Variants in MICU3 observed in about 807,000 individuals in gnomAD.
The protein encoded by MICU3 is mitochondrial calcium uptake 3.
In MICU3, 62 loss-of-function variants were observed where a neutral mutation model predicts 66.5. The ratio of observed to expected loss-of-function variants is 0.93; its 90% CI spans 0.76 to 1.15. The LOEUF is 1.15. MICU3 is among the 50% of genes most tolerant of loss of function. The pLI is 0.00. For synonymous variants in MICU3, 308 were observed against 240.7 expected (o/e 1.28, Z -2.59); for missense variants, 779 against 664.4 (o/e 1.17, Z -1.90).
chr8:17,042,100 A>C (rs1585194137), intron 1 of MICU3, among the ~76,000 whole-genome samples: 2 of 152,176 alleles, frequency 1.3e-5, no homozygotes, highest in Non-Finnish European at 2.9e-5. Flanking sequence ...CATGGTCACA[A>C]CTTTTACTAT....
intron 3 of MICU3, among the ~76,000 whole-genome samples, chr8:17,072,736 A>C (rs1738775102): frequency 1.3e-5 from 2 of 152,258 alleles, no homozygotes; most frequent in South Asian, 4.1e-4. Context: ...AAAGGAGGTG[A>C]ACCTTACTAG....
In MICU3 at chr8:17,029,218, G is replaced by A. The variant is rs370229069; in HGVS notation, c.381+1558G>A. Among the ~76,000 whole-genome samples, 12 of 152,354 alleles carry A rather than the reference G, an allele frequency of 7.9e-5. No individual in the cohort carries two copies. The East Asian group carries it at 2.1e-3, about 27-fold the overall frequency. ...TGGCTGAGCGTGGTGGCTCACGCCT[G>A]TAATCCCAGCACTTTGGGAGGTCGA... On this transcript the variant is annotated intron_variant, in intron 1 of 14. Transcript: ENST00000318063.
intron 1 of MICU3, among the ~76,000 whole-genome samples, chr8:17,031,686 T>A (rs1249430811): frequency 6.6e-6 from 1 of 152,188 alleles, no homozygotes; most frequent in Non-Finnish European, 1.5e-5. Context: ...CTTTTAAGTA[T>A]AATATGCTGC....
At chr8:17,096,350 G>A (rs191551629) in intron 8 of MICU3, among the ~76,000 whole-genome samples, 22 of 151,942 alleles carry the variant, frequency 1.4e-4, no homozygotes, top group Admixed American at 1.3e-3. Context: ...TTAAGCTTAT[G>A]TAAAATATCC....
chr8:17,044,397 T>C (rs1334623245), intron 1 of MICU3, among the ~76,000 whole-genome samples: 1 of 152,252 alleles, frequency 6.6e-6, no homozygotes, highest in Non-Finnish European at 1.5e-5. Flanking sequence ...CATTCTTAGA[T>C]GGTACTGTGT....
intron 1 of MICU3, among the ~76,000 whole-genome samples, chr8:17,029,309 C>G (rs1811597143): frequency 6.6e-6 from 1 of 152,150 alleles, no homozygotes; most frequent in South Asian, 2.1e-4. Context: ...AACCTCGTCT[C>G]TACTAAAAAT....
intron 3 of MICU3, among the ~76,000 whole-genome samples, chr8:17,074,449 A>G (rs1252724891): frequency 1.3e-5 from 2 of 152,134 alleles, no homozygotes; most frequent in Non-Finnish European, 2.9e-5. Context: ...ATTTGACAGG[A>G]AAATATGCTC....
At chr8:17,068,154 A>AG (rs767441339) in intron 2 of MICU3, among the ~76,000 whole-genome samples, 43 of 152,306 alleles carry the variant, frequency 2.8e-4, no homozygotes, top group Non-Finnish European at 3.5e-4. Flanking sequence ...CTAGAATTGA[A>AG]GTCCTTCTTC....
chr8:17,108,056 T>C (rs1801889670), intron 11 of MICU3, among the ~76,000 whole-genome samples: 1 of 152,104 alleles, frequency 6.6e-6, no homozygotes, highest in South Asian at 2.1e-4. Context: ...GAGCTGATAG[T>C]ACCTGTTCGT....
At chr8:17,129,506 A>G in the MICU3 span, among the ~76,000 whole-genome samples, 1 of 152,226 alleles carries the variant, frequency 6.6e-6, no homozygotes, top group African/African-American at 2.4e-5. Flanking sequence ...AATACTTGAA[A>G]TAAAAATTCA....
At chr8:17,072,643 C>CT (rs1231196826) in intron 3 of MICU3, among the ~76,000 whole-genome samples, 2 of 151,840 alleles carry the variant, frequency 1.3e-5, no homozygotes, top group African/African-American at 4.8e-5. Flanking sequence ...CGTAGAACCC[C>CT]TTTTTTTATC....
chr8:17,031,834 G>T (rs565758894), intron 1 of MICU3, among the ~76,000 whole-genome samples: 2 of 152,224 alleles, frequency 1.3e-5, no homozygotes, highest in South Asian at 4.1e-4. Flanking sequence ...AAAGACATTG[G>T]CTCTCAACTC....
In MICU3 at chr8:17,116,124, C is replaced by G. The variant is rs1273462184; in HGVS notation, c.1367-319C>G. ...GATTATTTGGGCAGGGGTCTCATTTCCCATCTGAACCGTAAGTTTCTTGAA... is the reference window on the plus strand; with the variant it reads ...GATTATTTGGGCAGGGGTCTCATTTGCCATCTGAACCGTAAGTTTCTTGAA... On this transcript the variant is annotated intron_variant, in intron 12 of 14. Coordinates refer to ENST00000318063, the MANE Select transcript of MICU3 (RefSeq NM_181723.3). 1.3e-5 allele frequency among the ~76,000 whole-genome samples: 2 copies of G among 152,174 alleles called. 1 individual carries two copies. Among genetic ancestry groups the G allele is most frequent in the South Asian group, 4.1e-4 (2 of 4,834 alleles).
At chr8:17,039,468 G>A (rs984473120) in intron 1 of MICU3, among the ~76,000 whole-genome samples, 4 of 152,200 alleles carry the variant, frequency 2.6e-5, no homozygotes, top group African/African-American at 4.8e-5. Context: ...TTCTTCAAGT[G>A]CACGAGAGTC....
At chr8:17,116,672 GAAAT>G in intron 13 of MICU3, 72 bp downstream of exon 13, 2 of 1,119,212 alleles carry the variant, frequency 1.8e-6, no homozygotes, top group East Asian at 5.6e-5. Flanking sequence ...TCTAAGTTGA[GAAAT>G]AATTTATCTT....
intron 1 of MICU3, among the ~76,000 whole-genome samples, chr8:17,034,572 G>T (rs920521539): frequency 1.4e-4 from 22 of 152,222 alleles, no homozygotes; most frequent in African/African-American, 5.3e-4. Flanking sequence ...GTGATTCACT[G>T]GTAGAGGTAA....
At chr8:17,089,126 C>T (rs958873366) in intron 7 of MICU3, among the ~76,000 whole-genome samples, 2 of 151,574 alleles carry the variant, frequency 1.3e-5, no homozygotes, top group African/African-American at 4.8e-5. Context: ...CTTTGATATC[C>T]ACAGGTACCT....
intron 1 of MICU3, among the ~76,000 whole-genome samples, chr8:17,049,085 A>C (rs139997314): frequency 6.6e-6 from 1 of 152,306 alleles, no homozygotes; most frequent in Non-Finnish European, 1.5e-5. Flanking sequence ...TAAGTAACTG[A>C]ATATTTCAGA....
intron 9 of MICU3, among the ~76,000 whole-genome samples, chr8:17,101,799 A>C (rs770309319): frequency 4.6e-5 from 7 of 151,914 alleles, no homozygotes; most frequent in Non-Finnish European, 7.4e-5. Context: ...GTAAGAGTGT[A>C]TGATGTAAAA....
Sources: allele counts gnomAD v4.1 joint callset (sites outside exome capture counted in the v4.1 genomes callset), GRCh38; gene constraint gnomAD v4.1.1; transcripts MANE v1.5; gene names NCBI Gene and HGNC (gene_info 2026-07-23, HGNC 2026-07-21).